RABGAP1L: variants seen among roughly 807,000 people sequenced by gnomAD.
The protein encoded by RABGAP1L is RAB GTPase activating protein 1 like, also known as rab GTPase-activating protein 1-like.
A neutral mutation model predicts 137.7 loss-of-function variants in RABGAP1L; 63 were observed. That is an observed-to-expected ratio of 0.46 (90% CI 0.37 to 0.56). RABGAP1L has a LOEUF of 0.56. RABGAP1L is among the 20% of genes least tolerant of loss of function. The pLI is 0.00. For synonymous variants in RABGAP1L, 431 were observed against 433.7 expected (o/e 0.99, Z 0.08); for missense variants, 1,095 against 1,244.0 (o/e 0.88, Z 1.80).
At chr1:174,672,307 G>T in intron 14 of RABGAP1L, among the ~76,000 whole-genome samples, 2 of 131,300 alleles carry the variant, frequency 1.5e-5, no homozygotes, top group African/African-American at 2.9e-5. Context: ...TTGATATGGA[G>T]TCTCCCTTTG....
intron 19 of RABGAP1L, among the ~76,000 whole-genome samples, chr1:174,909,193 A>AAAAT (rs1172282999): frequency 1.3e-5 from 2 of 151,546 alleles, no homozygotes; most frequent in Non-Finnish European, 2.9e-5. Context: ...AAAAAAAAAA[A>AAAAT]AAGTACTAAA....
chr1:174,256,864 G>T (rs1482842023), intron 7 of RABGAP1L, among the ~76,000 whole-genome samples: 1 of 152,106 alleles, frequency 6.6e-6, no homozygotes, highest in Non-Finnish European at 1.5e-5. Context: ...TAACATTCTT[G>T]TATGATTCTT....
chr1:174,742,675 A>G (rs1683542437), intron 17 of RABGAP1L, among the ~76,000 whole-genome samples: 1 of 152,232 alleles, frequency 6.6e-6, no homozygotes, highest in Non-Finnish European at 1.5e-5. Flanking sequence ...CATTATGAAG[A>G]GTATCAAAAG....
chr1:174,407,301 GTT>G (rs527590027), intron 13 of RABGAP1L, among the ~76,000 whole-genome samples: 3 of 142,260 alleles, frequency 2.1e-5, no homozygotes, highest in African/African-American at 5.1e-5. Context: ...GTCTCTTTAT[GTT>G]TTTTTTTTTG....
rs746674780 is a variant in RABGAP1L, at chr1:174,448,896, G to T, written c.1710+54751G>T. ...GAGACTGGACACAGCCCTGACCGTC[G>T]CTACGCCATGGTTTTGTTTAGGATA... On this transcript the variant is annotated intron_variant, in intron 13 of 25. Coordinates refer to ENST00000681986, the MANE Select transcript of RABGAP1L (RefSeq NM_001366446.1). The surrounding 1 kb of genome is among the most constrained non-coding windows in gnomAD (Gnocchi z 4.2). The T allele has an allele frequency of 6.2e-7, 1 of 1,613,466 alleles. No individual in the cohort carries two copies. The highest frequency in any genetic ancestry group is 8.5e-7 in the Non-Finnish European group (1 of 1,179,446).
chr1:174,636,525 T>A (rs746683848), intron 13 of RABGAP1L, among the ~76,000 whole-genome samples: 11 of 94,178 alleles, frequency 1.2e-4, no homozygotes, highest in Middle Eastern at 5.0e-3. Context: ...GAGACTCTAC[T>A]TCAAAAAAAA....
At chr1:174,164,214 T>C (rs1664735968) in intron 1 of RABGAP1L, among the ~76,000 whole-genome samples, 1 of 152,070 alleles carries the variant, frequency 6.6e-6, no homozygotes, top group Non-Finnish European at 1.5e-5. Flanking sequence ...TGGCTGATAT[T>C]CCATAAACCA....
chr1:174,176,741 A>ATAAAATAAAATAAAAT (rs1553248315), intron 1 of RABGAP1L, among the ~76,000 whole-genome samples: 8 of 111,772 alleles, frequency 7.2e-5, no homozygotes, highest in Non-Finnish European at 9.1e-5. Flanking sequence ...AAAAAAAAAA[A>ATAAAATAAAATAAAAT]AAAAAGGTCA....
intron 13 of RABGAP1L, among the ~76,000 whole-genome samples, chr1:174,487,257 A>G (rs984611205): frequency 3.9e-5 from 6 of 152,104 alleles, no homozygotes; most frequent in African/African-American, 1.4e-4. Context: ...GGGGTTTATT[A>G]GAGCTACTCT....
At chr1:174,852,170 T>C (rs1485415953) in intron 19 of RABGAP1L, among the ~76,000 whole-genome samples, 1 of 152,220 alleles carries the variant, frequency 6.6e-6, no homozygotes, top group Non-Finnish European at 1.5e-5. Context: ...AAAAGTAACT[T>C]TGAGAACCAC....
chr1:174,302,548 A>G (rs1325949488), intron 10 of RABGAP1L, among the ~76,000 whole-genome samples: 3 of 152,214 alleles, frequency 2.0e-5, no homozygotes, highest in Non-Finnish European at 2.9e-5. Flanking sequence ...TCTGTTTTCC[A>G]CATGCCAACT....
intron 18 of RABGAP1L, among the ~76,000 whole-genome samples, chr1:174,781,448 T>C (rs941507843): frequency 3.9e-5 from 6 of 152,256 alleles, no homozygotes; most frequent in Admixed American, 1.3e-4. Context: ...TTGAGTTCTT[T>C]GTAGATTCTG....
At position 174,239,644 on chromosome 1, in the gene RABGAP1L, A is replaced by G. The variant is rs1161848061; in HGVS notation, c.543-1839A>G. ...TATTGGTTTATTGGATATCTTCCTC[A>G]CTAGATTATAAGCTTGTGAGAATAG... On this transcript the variant is annotated intron_variant, in intron 4 of 25. Transcript: ENST00000681986. 2.6e-5 allele frequency among the ~76,000 whole-genome samples: 4 copies of G among 152,120 alleles called. No individual in the cohort carries two copies. In the East Asian group the frequency reaches 7.7e-4, roughly 29 times the overall value.
At position 174,596,075 on chromosome 1, in the gene RABGAP1L, C is replaced by T. The variant is rs540657950; in HGVS notation, c.1711-41300C>T. On this transcript the variant is annotated intron_variant, in intron 13 of 25. Transcript: ENST00000681986. ...TCTCGTGGTGCGCCGTTTCTTAAGCCGGTCTGAAAAGCGCAATATTCGGGT... is the reference window on the plus strand; with the variant it reads ...TCTCGTGGTGCGCCGTTTCTTAAGCTGGTCTGAAAAGCGCAATATTCGGGT... Among the ~76,000 whole-genome samples, 289 of 122,574 alleles carry T rather than the reference C, an allele frequency of 2.4e-3. 2 individuals carry two copies. The highest frequency in any genetic ancestry group is 8.8e-3 in the African/African-American group (230 of 26,094). 80.4% of individuals were successfully genotyped at this position (122,574 alleles called of 152,430 possible). A position where few individuals can be genotyped will look rare whatever the true frequency, so the allele number is the denominator to read the frequency against.
chr1:174,733,639 A>T (rs185841416), intron 17 of RABGAP1L, among the ~76,000 whole-genome samples: 163 of 152,304 alleles, frequency 1.1e-3, no homozygotes, highest in Non-Finnish European at 8.5e-4. Context: ...TTTATTTAGC[A>T]TTACTATGTG....
At chr1:174,627,069 AG>A (rs1024509342) in intron 13 of RABGAP1L, among the ~76,000 whole-genome samples, 4 of 152,222 alleles carry the variant, frequency 2.6e-5, no homozygotes, top group Non-Finnish European at 4.4e-5. Context: ...ATACTTATAA[AG>A]TTGAAATGAT....
At position 174,176,741 on chromosome 1, in the gene RABGAP1L, A is replaced by ATAAATAAAAT. The variant is rs1553248315; in HGVS notation, c.-34+17084_-34+17085insTAAATAAAAT. ...AAAAAAAAAAAAAAAAAAAAAAAAAAAAAAAGGTCAACATTTGTTAATACT... is the reference window on the plus strand; with the variant it reads ...AAAAAAAAAAAAAAAAAAAAAAAAAATAAATAAAATAAAAAGGTCAACATTTGTTAATACT... On this transcript the variant is annotated intron_variant, in intron 1 of 25. Transcript: ENST00000681986. Among the ~76,000 whole-genome samples, 61 of 111,806 alleles carry ATAAATAAAAT rather than the reference A, an allele frequency of 5.5e-4. 3 individuals carry two copies. The highest frequency in any genetic ancestry group is 2.1e-3 in the African/African-American group (60 of 28,036). 73.3% of individuals were successfully genotyped at this position (111,806 alleles called of 152,430 possible).
chr1:174,773,220 A>T (rs1173868357), intron 18 of RABGAP1L, among the ~76,000 whole-genome samples: 1 of 150,110 alleles, frequency 6.7e-6, no homozygotes, highest in African/African-American at 2.4e-5. Context: ...TGAACAAGAG[A>T]TTATATCCTA....
At chr1:174,507,035 T>TG (rs1661882555) in intron 13 of RABGAP1L, among the ~76,000 whole-genome samples, 1 of 152,180 alleles carries the variant, frequency 6.6e-6, no homozygotes, top group Non-Finnish European at 1.5e-5. Context: ...CCCTTGAGCC[T>TG]GGGAGGCGGA....
Sources: gnomAD v4.1 joint callset for allele counts (sites outside exome capture counted in the v4.1 genomes callset) on GRCh38, gnomAD v4.1.1 for gene constraint, Gnocchi (gnomAD v3.1) non-coding constraint, MANE v1.5 for transcripts, NCBI Gene and HGNC (gene_info 2026-07-23, HGNC 2026-07-21) for gene names.